PLA2G7: variants seen among roughly 807,000 people sequenced by gnomAD.
PLA2G7 encodes phospholipase A2 group VII.
PLA2G7 carries 63 observed loss-of-function variants against 49.6 expected under a neutral mutation model. That is an observed-to-expected ratio of 1.27 (90% confidence interval 1.04 to 1.57). PLA2G7 has a LOEUF of 1.57. Ranked by LOEUF, PLA2G7 falls within the 40% of genes most tolerant of loss-of-function variation. The probability of loss-of-function intolerance (pLI) is 0.00; values close to 1 mark genes in which losing one functional copy is unlikely to be tolerated. For synonymous variants in PLA2G7, 193 were observed against 169.9 expected, an observed-to-expected ratio of 1.14 and a Z score of -1.06; for missense variants, 596 against 521.2, an observed-to-expected ratio of 1.14 and a Z score of -1.40.
intron 5 of PLA2G7, among the ~76,000 whole-genome samples, chr6:46,713,262 T>C (rs891673133): frequency 7.3e-5 from 11 of 151,012 alleles, no homozygotes; most frequent in African/African-American, 2.2e-4. Flanking sequence ...AGAAACTATT[T>C]ATTTATTGCT....
intron 10 of PLA2G7, among the ~76,000 whole-genome samples, chr6:46,707,539 A>G (rs1764867403): frequency 6.6e-6 from 1 of 152,088 alleles, no homozygotes; most frequent in African/African-American, 2.4e-5. Flanking sequence ...CTGGTTATTT[A>G]AAAGTGTGTA....
At chr6:46,709,550 T>A in intron 8 of PLA2G7, 132 bp from the exon 9 acceptor site, 1 of 659,962 alleles carries the variant, frequency 1.5e-6, no homozygotes, top group South Asian at 1.7e-5. Flanking sequence ...AGAATATACA[T>A]ATACACACAT....
chr6:46,725,398 A>C (rs1006036526), intron 1 of PLA2G7, among the ~76,000 whole-genome samples: 2 of 151,742 alleles, frequency 1.3e-5, no homozygotes, highest in African/African-American at 2.4e-5. Context: ...TGCCCGGCTA[A>C]TTTTTGTATT....
intron 2 of PLA2G7, among the ~76,000 whole-genome samples, chr6:46,718,020 A>G (rs1471100611): frequency 1.3e-5 from 2 of 151,868 alleles, no homozygotes; most frequent in Non-Finnish European, 2.9e-5. Context: ...CCAGCCCCAA[A>G]CCTCTATTGC....
chr6:46,711,980 A>G (rs1765044413), intron 6 of PLA2G7, among the ~76,000 whole-genome samples: 1 of 152,184 alleles, frequency 6.6e-6, no homozygotes, highest in African/African-American at 2.4e-5. Context: ...TTAAAACAAC[A>G]ACAATAATAA....
At chr6:46,730,470 A>G (rs956060339) in intron 1 of PLA2G7, among the ~76,000 whole-genome samples, 11 of 152,238 alleles carry the variant, frequency 7.2e-5, no homozygotes, top group African/African-American at 2.7e-4. Flanking sequence ...CCTAAACCTG[A>G]AGTTAAAAAT....
intron 6 of PLA2G7, 73 bp from the exon 7 acceptor site, chr6:46,711,692 A>C (rs781008466): frequency 8.1e-6 from 12 of 1,477,030 alleles, no homozygotes; most frequent in Non-Finnish European, 1.1e-5. Flanking sequence ...TCTCAGTTCC[A>C]TCCTTGACTC....
chr6:46,716,091 C>A (rs1340998604), intron 4 of PLA2G7, among the ~76,000 whole-genome samples: 1 of 152,162 alleles, frequency 6.6e-6, no homozygotes, highest in Non-Finnish European at 1.5e-5. Flanking sequence ...CTATTCTCAC[C>A]ACGGTATTGC....
intron 10 of PLA2G7, among the ~76,000 whole-genome samples, chr6:46,706,792 A>G (rs1764845098): frequency 6.6e-6 from 1 of 152,186 alleles, no homozygotes; most frequent in South Asian, 2.1e-4. Context: ...TCCGTTTTAG[A>G]ATTAGAAAGA....
chr6:46,732,358 A>AAC (rs1582592220), intron 1 of PLA2G7, among the ~76,000 whole-genome samples: 1 of 127,306 alleles, frequency 7.9e-6, no homozygotes, highest in African/African-American at 3.4e-5. Flanking sequence ...CCATATATCC[A>AAC]ACACACACAT....
chr6:46,708,435 A>T (rs1764904416), intron 9 of PLA2G7, among the ~76,000 whole-genome samples: 1 of 152,204 alleles, frequency 6.6e-6, no homozygotes, highest in African/African-American at 2.4e-5. Flanking sequence ...TTTTTATTCA[A>T]AATAAATTTT....
chr6:46,728,943 A>G (rs1279881034), intron 1 of PLA2G7, among the ~76,000 whole-genome samples: 1 of 152,320 alleles, frequency 6.6e-6, no homozygotes, highest in Middle Eastern at 3.4e-3. Context: ...TGGTGACTTC[A>G]GTTAAGTTCT....
chr6:46,727,514 G>A (rs1358864123), intron 1 of PLA2G7, among the ~76,000 whole-genome samples: 1 of 152,132 alleles, frequency 6.6e-6, no homozygotes, highest in East Asian at 1.9e-4. Flanking sequence ...GGGGCATGTG[G>A]CAGGTTGAAT....
intron 2 of PLA2G7, among the ~76,000 whole-genome samples, chr6:46,722,388 C>A (rs756749260): frequency 2.6e-5 from 4 of 152,128 alleles, no homozygotes; most frequent in Non-Finnish European, 5.9e-5. Context: ...TCTTTTTCAC[C>A]TCATGGAAGC....
At chr6:46,710,785 C>T (rs1441223005) in intron 7 of PLA2G7, 127 bp from the exon 8 acceptor site, 2 of 707,572 alleles carry the variant, frequency 2.8e-6, no homozygotes, top group East Asian at 5.4e-5. Flanking sequence ...TGATTAGTGA[C>T]TATTACTTGC....
At chr6:46,715,706 CTGTTA>C (rs1275199449) in intron 4 of PLA2G7, among the ~76,000 whole-genome samples, 7 of 152,072 alleles carry the variant, frequency 4.6e-5, no homozygotes, top group South Asian at 2.1e-4. Flanking sequence ...ATTTTCATGT[CTGTTA>C]TAAGTGGTTT....
Position 46,722,530 on chromosome 6 carries a change from G to T in PLA2G7, c.109+253C>A, listed in dbSNP as rs923871968. 2.0e-5 allele frequency among the ~76,000 whole-genome samples: 3 copies of T among 152,234 alleles called. No individual in the cohort carries two copies. In the East Asian group the frequency reaches 5.8e-4, roughly 29 times the overall value. ...TCTCCGTGGTGATTGCAAGCTGAGCGTCCAGTATATCTTAAAATGTCCCAT... is the reference window on the plus strand; with the variant it reads ...TCTCCGTGGTGATTGCAAGCTGAGCTTCCAGTATATCTTAAAATGTCCCAT... On this transcript the variant is annotated intron_variant, in intron 2 of 11. Coordinates refer to ENST00000274793, the MANE Select transcript of PLA2G7 (RefSeq NM_005084.4).
rs1764710107 is a variant in PLA2G7 at position 46,704,347 on chromosome 6, T to G, written c.*213A>C. On this transcript the variant is annotated 3_prime_UTR_variant, in exon 12 of 12. Transcript: ENST00000274793. ...TTGTATACTGTATTCTTTCTTTACATCTAAAGGGAAAAAATTCTTAGTCCA... is the reference window on the plus strand; with the variant it reads ...TTGTATACTGTATTCTTTCTTTACAGCTAAAGGGAAAAAATTCTTAGTCCA... 1 of 556,534 alleles carries G rather than the reference T, an allele frequency of 1.8e-6. No homozygotes were observed. The highest frequency in any genetic ancestry group is 3.2e-6 in the Non-Finnish European group (1 of 311,202). The allele number at this position is 556,534 out of a possible 1,614,324, so 34.5% of individuals were successfully genotyped here. A position where few individuals can be genotyped will look rare whatever the true frequency, so the allele number is the denominator to read the frequency against.
In PLA2G7 at chr6:46,732,437, C is replaced by T. The variant is rs536427980; in HGVS notation, c.-35+2743G>A. On this transcript the variant is annotated intron_variant, in intron 1 of 11. Coordinates refer to ENST00000274793, the MANE Select transcript of PLA2G7 (RefSeq NM_005084.4). The stretch of plus-strand genomic sequence containing the variant: ...GCAGCAATCTGCTTGCTTTTCTTCT[C>T]ATTATATGAATTCACCCTGTTCATC... Among the ~76,000 whole-genome samples the T allele has an allele frequency of 2.6e-5, 4 of 151,994 alleles. No homozygotes were observed. In the East Asian group the frequency reaches 5.8e-4, roughly 22 times the overall value.
Sources: allele counts gnomAD v4.1 joint callset (sites outside exome capture counted in the v4.1 genomes callset), GRCh38; gene constraint gnomAD v4.1.1; transcripts MANE v1.5; gene names NCBI Gene and HGNC (gene_info 2026-07-23, HGNC 2026-07-21).